FLT1: variants seen among roughly 807,000 people sequenced by gnomAD.
FLT1 encodes fms related receptor tyrosine kinase 1.
Under a neutral mutation model 156.3 loss-of-function variants are expected in FLT1, and 49 were observed. That is an observed-to-expected ratio of 0.31 (90% CI 0.25 to 0.40). The LOEUF (loss-of-function observed/expected upper bound fraction) is 0.40. Ranked by LOEUF, FLT1 falls within the 10% of genes least tolerant of loss-of-function variation. FLT1 has a pLI of 1.00. For synonymous variants in FLT1, 594 were observed against 583.8 expected, an observed-to-expected ratio of 1.02 and a Z score of -0.25; for missense variants, 1,322 against 1,637.2, an observed-to-expected ratio of 0.81 and a Z score of 3.32.
At chr13:28,359,112 T>C (rs984991967) in intron 14 of FLT1, among the ~76,000 whole-genome samples, 4 of 152,096 alleles carry the variant, frequency 2.6e-5, no homozygotes, top group Non-Finnish European at 5.9e-5. Flanking sequence ...TGAGAAATAT[T>C]TGAAAGCTTA....
intron 27 of FLT1, among the ~76,000 whole-genome samples, chr13:28,310,185 C>G (rs9554317): frequency 2.6e-5 from 4 of 151,934 alleles, no homozygotes; most frequent in African/African-American, 9.7e-5. Context: ...CCACTGTGCC[C>G]GGCCGCAAGC....
intron 27 of FLT1, among the ~76,000 whole-genome samples, chr13:28,310,149 C>T (rs555179904): frequency 3.9e-5 from 6 of 152,266 alleles, no homozygotes; most frequent in African/African-American, 1.4e-4. Flanking sequence ...CTCGGCCTCC[C>T]AGAGTGCTGG....
intron 25 of FLT1, among the ~76,000 whole-genome samples, chr13:28,316,892 G>T (rs2138821561): frequency 6.6e-6 from 1 of 152,222 alleles, no homozygotes; most frequent in South Asian, 2.1e-4. Flanking sequence ...CAAAGTGCTG[G>T]GATTACACAT....
chr13:28,368,144 A>G, intron 14 of FLT1: 1 of 538,680 alleles, frequency 1.9e-6, no homozygotes, highest in Non-Finnish European at 2.4e-6. Flanking sequence ...TTGTCTGTTT[A>G]TTTATTTATT....
At chr13:28,380,222 T>G (rs1356240703) in intron 14 of FLT1, among the ~76,000 whole-genome samples, 1 of 152,212 alleles carries the variant, frequency 6.6e-6, no homozygotes, top group Admixed American at 6.5e-5. Flanking sequence ...ATTTCAGTTT[T>G]GCAACAATTG....
At chr13:28,409,304 A>G (rs1377375423) in intron 10 of FLT1, among the ~76,000 whole-genome samples, 1 of 152,122 alleles carries the variant, frequency 6.6e-6, no homozygotes, top group Admixed American at 6.5e-5. Flanking sequence ...CTGGGGCCAC[A>G]GAAAAAGGCA....
chr13:28,344,425 CAG>C (rs908125583), intron 16 of FLT1, among the ~76,000 whole-genome samples: 4 of 152,198 alleles, frequency 2.6e-5, no homozygotes, highest in African/African-American at 9.6e-5. Context: ...TCAGCTAACT[CAG>C]AGTTGCAGTT....
intron 10 of FLT1, among the ~76,000 whole-genome samples, chr13:28,409,084 G>A (rs1403383723): frequency 6.6e-6 from 1 of 152,148 alleles, no homozygotes; most frequent in Non-Finnish European, 1.5e-5. Flanking sequence ...TTCCAAGTGG[G>A]AGCCATCTGT....
chr13:28,473,666 AAAGAAAGAG>A (rs1880310253), intron 1 of FLT1, among the ~76,000 whole-genome samples: 1 of 130,390 alleles, frequency 7.7e-6, no homozygotes, highest in African/African-American at 3.4e-5. Context: ...AGAAAGAAAG[AAAGAAAGAG>A]AGAGAGAGAG....
At chr13:28,494,538 C>G (rs140833074) in intron 1 of FLT1, among the ~76,000 whole-genome samples, 2 of 152,198 alleles carry the variant, frequency 1.3e-5, no homozygotes, top group Non-Finnish European at 2.9e-5. Context: ...AGCGCGGACC[C>G]GGTCTGAGCG....
At chr13:28,403,550 G>T (rs772901586) in intron 11 of FLT1, among the ~76,000 whole-genome samples, 1 of 152,122 alleles carries the variant, frequency 6.6e-6, no homozygotes, top group African/African-American at 2.4e-5. Flanking sequence ...TACCAAAATA[G>T]CACTAGAAGT....
At chr13:28,333,926 AG>A in intron 18 of FLT1, 98 bp downstream of exon 18, 2 of 839,888 alleles carry the variant, frequency 2.4e-6, no homozygotes, top group Non-Finnish European at 4.2e-6. Flanking sequence ...AGAGCAGAAA[AG>A]CTTGTGTCTG....
In FLT1 at chr13:28,303,250, C is replaced by A. The variant is rs747687298; in HGVS notation, c.3934G>T (p.Ala1312Ser). ...CACGCGATTTTCCTTTCCAGCTCAG[C>A]GTGGTCGTAGGTGAACCTGCGCTTG... is the stretch of plus-strand genomic sequence containing the variant. ...EGKRRFTYDH[A>S]ELERKIACCS... The change falls in exon 30 of 30, where the codon GCT (alanine) becomes TCT (serine). Residue 1312 changes from alanine (A) to serine (S), a missense_variant. By Grantham distance (99) the Ala-to-Ser change is moderately conservative. Around this residue, in one of 3 missense-constraint regions of FLT1, gnomAD observed 329 missense variants for 366.2 expected, o/e 0.90. Coordinates refer to ENST00000282397, the MANE Select transcript of FLT1 (RefSeq NM_002019.4). 1 of 1,613,892 alleles carries A rather than the reference C, an allele frequency of 6.2e-7. No individual in the cohort carries two copies. The highest frequency in any genetic ancestry group is 8.5e-7 in the Non-Finnish European group (1 of 1,180,008).
chr13:28,303,839 T>C (rs1870623625), intron 29 of FLT1, among the ~76,000 whole-genome samples: 2 of 152,118 alleles, frequency 1.3e-5, no homozygotes, highest in African/African-American at 4.8e-5. Context: ...GTTACAACAG[T>C]CTCAAAAAAC....
rs1878233646 is a variant in FLT1, at chr13:28,439,686, G to T, written c.389-1341C>A. Reference sequence around the variant, plus strand: ...AGGCAGTCATGTGAAGACAGACAGGGTGTGCAGACTCGCACTATGTGCAGA... The same window carrying T: ...AGGCAGTCATGTGAAGACAGACAGGTTGTGCAGACTCGCACTATGTGCAGA... On this transcript the variant is annotated intron_variant, in intron 3 of 29. Coordinates refer to ENST00000282397, the MANE Select transcript of FLT1 (RefSeq NM_002019.4). The surrounding 1 kb of genome is among the most constrained non-coding windows in gnomAD (Gnocchi z 4.1). Among the ~76,000 whole-genome samples the T allele has an allele frequency of 6.6e-6, 1 of 152,218 alleles. No individual in the cohort carries two copies. Among genetic ancestry groups the T allele is most frequent in the African/African-American group, 2.4e-5 (1 of 41,458 alleles).
intron 25 of FLT1, among the ~76,000 whole-genome samples, chr13:28,314,958 T>C (rs1871141997): frequency 6.6e-6 from 1 of 152,236 alleles, no homozygotes; most frequent in Non-Finnish European, 1.5e-5. Flanking sequence ...CCAAAGCTGA[T>C]GTGACTTTGT....
intron 3 of FLT1, among the ~76,000 whole-genome samples, chr13:28,455,724 TG>T (rs1290951774): frequency 6.6e-6 from 1 of 152,172 alleles, no homozygotes; most frequent in Non-Finnish European, 1.5e-5. Flanking sequence ...AGAAAATATT[TG>T]CAAAAGATAC....
rs76878898 is a variant in FLT1 at position 28,427,539 on chromosome 13, A to C, written c.1276+213T>G. Among the ~76,000 whole-genome samples the C allele has an allele frequency of 3.9e-5, 6 of 152,332 alleles. No homozygotes were observed. In the East Asian group the frequency reaches 9.6e-4, roughly 24 times the overall value. Reference sequence around the variant, plus strand: ...AATAATTTGATTCCATGGTATGTACATTGTGATTACAGTGATAAAAGATCA... The same window carrying C: ...AATAATTTGATTCCATGGTATGTACCTTGTGATTACAGTGATAAAAGATCA... On this transcript the variant is annotated intron_variant, in intron 9 of 29. Coordinates refer to ENST00000282397, the MANE Select transcript of FLT1 (RefSeq NM_002019.4).
At chr13:28,377,356 T>A (rs1873880444) in intron 14 of FLT1, among the ~76,000 whole-genome samples, 1 of 152,158 alleles carries the variant, frequency 6.6e-6, no homozygotes, top group Admixed American at 6.6e-5. Flanking sequence ...CATAGGAAAA[T>A]TAAAGCACAA....
Sources: gnomAD v4.1 joint callset for allele counts (sites outside exome capture counted in the v4.1 genomes callset) on GRCh38, gnomAD v4.1.1 for gene constraint, gnomAD v4.1.1 regional missense constraint, Gnocchi (gnomAD v3.1) non-coding constraint, MANE v1.5 for transcripts, NCBI Gene and HGNC (gene_info 2026-07-23, HGNC 2026-07-21) for gene names.